The following STON2 variants were observed in gnomAD, a reference collection of about 807,000 sequenced individuals.
STON2 encodes stonin-2.
STON2 carries 29 observed loss-of-function variants against 65.7 expected under a neutral mutation model. The ratio of observed to expected loss-of-function variants is 0.44; its 90% CI spans 0.33 to 0.60. The LOEUF (loss-of-function observed/expected upper bound fraction) is 0.60. Among genes scored for constraint, STON2 ranks in the 20% least tolerant of loss-of-function variants. STON2 has a pLI of 0.03. For synonymous variants in STON2, 404 were observed against 414.2 expected (o/e 0.98, Z 0.30); for missense variants, 1,054 against 1,118.1 (o/e 0.94, Z 0.82).
At chr14:81,342,376 C>G (rs918934189) in intron 4 of STON2, among the ~76,000 whole-genome samples, 2 of 152,144 alleles carry the variant, frequency 1.3e-5, no homozygotes, top group African/African-American at 4.8e-5. Context: ...TTCAGGTGAT[C>G]CGCCCATCTC....
intron 4 of STON2, among the ~76,000 whole-genome samples, chr14:81,336,203 T>C (rs538322787): frequency 2.0e-5 from 3 of 152,336 alleles, no homozygotes; most frequent in African/African-American, 7.2e-5. Context: ...ATTCCAATTA[T>C]ACCTGCCATC....
chr14:81,392,085 G>A (rs1331813714), intron 3 of STON2, among the ~76,000 whole-genome samples: 2 of 152,120 alleles, frequency 1.3e-5, no homozygotes, highest in South Asian at 4.1e-4. Flanking sequence ...AAAAAACTCA[G>A]TAATCAAAGT....
At chr14:81,329,023 C>T (rs148050573) in intron 4 of STON2, among the ~76,000 whole-genome samples, 1,563 of 152,252 alleles carry the variant, frequency 0.01, 20 homozygotes, top group Middle Eastern at 0.031. Context: ...ACAAAATAGA[C>T]TACGATGTTG....
chr14:81,284,619 AAG>A (rs1895261936), intron 5 of STON2, among the ~76,000 whole-genome samples: 1 of 152,264 alleles, frequency 6.6e-6, no homozygotes, highest in African/African-American at 2.4e-5. Context: ...AAGCTGCAAC[AAG>A]TTATCCAAAA....
chr14:81,318,395 G>A (rs1417228669), intron 5 of STON2, among the ~76,000 whole-genome samples: 1 of 152,086 alleles, frequency 6.6e-6, no homozygotes, highest in Non-Finnish European at 1.5e-5. Context: ...GTTATTCTAG[G>A]GTCCAGCTAG....
chr14:81,296,874 A>C (rs1895781549), intron 5 of STON2, among the ~76,000 whole-genome samples: 1 of 152,380 alleles, frequency 6.6e-6, no homozygotes, highest in South Asian at 2.1e-4. Flanking sequence ...GAAGAATGTA[A>C]CAATCCTATC....
intron 5 of STON2, among the ~76,000 whole-genome samples, chr14:81,308,438 A>C (rs1896266933): frequency 6.6e-6 from 1 of 152,140 alleles, no homozygotes; most frequent in Non-Finnish European, 1.5e-5. Flanking sequence ...TCCTGACCTC[A>C]GGTGATCTGC....
In STON2 at chr14:81,330,569, C is replaced by A. The variant is rs563843700; in HGVS notation, c.572-6382G>T. Among the ~76,000 whole-genome samples, 68 of 152,202 alleles carry A rather than the reference C, an allele frequency of 4.5e-4. No individual in the cohort carries two copies. The South Asian group carries it at 0.012, about 27-fold the overall frequency. On this transcript the variant is annotated intron_variant, in intron 4 of 7. Coordinates refer to ENST00000614646, the MANE Select transcript of STON2 (RefSeq NM_001394390.1). The stretch of plus-strand genomic sequence containing the variant: ...ATATTTATTAAAAATGTATTTTTTA[C>A]AACATTGCTCAATTGTTCAGCAAGG...
chr14:81,312,128 A>C (rs879460452), intron 5 of STON2, among the ~76,000 whole-genome samples: 7 of 152,200 alleles, frequency 4.6e-5, no homozygotes, highest in Non-Finnish European at 8.8e-5. Context: ...TCATAAGAAG[A>C]GAGATTACAT....
chr14:81,350,867 T>A (rs1278207484), intron 4 of STON2, among the ~76,000 whole-genome samples: 1 of 152,182 alleles, frequency 6.6e-6, no homozygotes, highest in African/African-American at 2.4e-5. Context: ...GTTGAGTGCA[T>A]GTTAACATTT....
intron 5 of STON2, among the ~76,000 whole-genome samples, chr14:81,306,901 C>T (rs1347327226): frequency 6.6e-6 from 1 of 152,184 alleles, no homozygotes; most frequent in East Asian, 1.9e-4. Context: ...TAATTACTAT[C>T]TTTTTTAGTT....
intron 5 of STON2, among the ~76,000 whole-genome samples, chr14:81,322,531 C>T (rs1358757538): frequency 2.0e-5 from 3 of 152,068 alleles, no homozygotes; most frequent in African/African-American, 7.2e-5. Context: ...GATTAATCAG[C>T]CAAGGGGAAA....
At chr14:81,307,706 G>A (rs950676620) in intron 5 of STON2, among the ~76,000 whole-genome samples, 7 of 152,212 alleles carry the variant, frequency 4.6e-5, no homozygotes, top group Admixed American at 1.3e-4. Context: ...TGAAGGAGAC[G>A]AGGATGATAA....
At chr14:81,366,222 G>A (rs1898718960) in intron 4 of STON2, among the ~76,000 whole-genome samples, 1 of 151,314 alleles carries the variant, frequency 6.6e-6, no homozygotes, top group Non-Finnish European at 1.5e-5. Flanking sequence ...ATAAAGTGTA[G>A]GCTGATCACA....
chr14:81,326,071 G>A (rs933220044), intron 4 of STON2, among the ~76,000 whole-genome samples: 7 of 152,086 alleles, frequency 4.6e-5, no homozygotes, highest in Non-Finnish European at 8.8e-5. Context: ...TTTACAGATC[G>A]AGAGAGCAAC....
chr14:81,367,839 C>A (rs543712832), intron 4 of STON2, among the ~76,000 whole-genome samples: 2 of 111,632 alleles, frequency 1.8e-5, no homozygotes, highest in African/African-American at 7.2e-5. Flanking sequence ...AGGAAGACTG[C>A]GTCCGTCAAA....
intron 2 of STON2, among the ~76,000 whole-genome samples, chr14:81,408,698 T>C (rs1566947656): frequency 6.6e-6 from 1 of 152,250 alleles, no homozygotes; most frequent in Non-Finnish European, 1.5e-5. Flanking sequence ...GGCTCTGCTA[T>C]CTAACAATTC....
chr14:81,340,085 T>C (rs995273053), intron 4 of STON2, among the ~76,000 whole-genome samples: 3 of 152,194 alleles, frequency 2.0e-5, no homozygotes, highest in Non-Finnish European at 2.9e-5. Context: ...ACCCGGGGGA[T>C]GGAGCCTGCA....
chr14:81,278,779 G>A (rs1894989376), intron 5 of STON2, 40 bp from the exon 6 acceptor site: 9 of 1,465,274 alleles, frequency 6.1e-6, no homozygotes, highest in Non-Finnish European at 7.2e-6. Flanking sequence ...CTGTTCAGGG[G>A]CTCTAGAGGT....
Sources: gnomAD v4.1 joint callset for allele counts (sites outside exome capture counted in the v4.1 genomes callset) on GRCh38, gnomAD v4.1.1 for gene constraint, MANE v1.5 for transcripts, NCBI Gene and HGNC (gene_info 2026-07-23, HGNC 2026-07-21) for gene names.